Variants in PKHD1 observed in about 807,000 individuals in gnomAD.
The protein encoded by PKHD1 is fibrocystin.
Under a neutral mutation model 412.0 loss-of-function variants are expected in PKHD1, and 291 were observed. That is an observed-to-expected ratio of 0.71 (90% CI 0.64 to 0.78). The LOEUF is 0.78. Among genes scored for constraint, PKHD1 ranks in the 30% least tolerant of loss-of-function variants. The probability of loss-of-function intolerance (pLI) is 0.00; values close to 1 mark genes in which losing one functional copy is unlikely to be tolerated. For missense variants in PKHD1, 4,825 were observed against 4,950.7 expected (o/e 0.97, Z 0.76); for synonymous variants, 1,777 against 1,821.5 (o/e 0.98, Z 0.62).
At chr6:51,898,799 A>C (rs1325898902) in intron 43 of PKHD1, among the ~76,000 whole-genome samples, 1 of 150,316 alleles carries the variant, frequency 6.7e-6, no homozygotes, top group African/African-American at 2.5e-5. Context: ...AGAGAGAAGA[A>C]TCAAATAGAC....
intron 60 of PKHD1, among the ~76,000 whole-genome samples, chr6:51,694,797 T>C (rs912646954): frequency 6.6e-6 from 1 of 152,122 alleles, no homozygotes; most frequent in Admixed American, 6.6e-5. Flanking sequence ...ATAAACAGAC[T>C]GTGCTGAGTA....
At chr6:51,628,206 T>C (rs1225514856) in intron 65 of PKHD1, among the ~76,000 whole-genome samples, 1 of 152,054 alleles carries the variant, frequency 6.6e-6, no homozygotes, top group Non-Finnish European at 1.5e-5. Flanking sequence ...AATAGGCAGT[T>C]TTTCAACCCT....
intron 37 of PKHD1, among the ~76,000 whole-genome samples, chr6:51,930,389 T>C (rs1240783807): frequency 6.6e-6 from 1 of 152,174 alleles, no homozygotes; most frequent in Non-Finnish European, 1.5e-5. Flanking sequence ...TGGGTGTATA[T>C]GTGCAGCTGT....
intron 35 of PKHD1, among the ~76,000 whole-genome samples, chr6:52,007,875 G>A (rs1042928729): frequency 9.3e-5 from 14 of 150,296 alleles, no homozygotes; most frequent in African/African-American, 3.0e-4. Flanking sequence ...GCGACAGGAC[G>A]TGTGCCTGAG....
At chr6:52,026,353 G>A (rs1802187956) in intron 31 of PKHD1, among the ~76,000 whole-genome samples, 172 bp from the exon 32 acceptor site, 1 of 152,132 alleles carries the variant, frequency 6.6e-6, no homozygotes, top group Non-Finnish European at 1.5e-5. Context: ...ATTTAGACAG[G>A]AGTCAGATGT....
intron 60 of PKHD1, among the ~76,000 whole-genome samples, chr6:51,711,030 G>A (rs146047909): frequency 5.5e-4 from 84 of 152,288 alleles, no homozygotes; most frequent in African/African-American, 8.4e-4. Flanking sequence ...CCATGCAGGA[G>A]GAAGCTAACA....
chr6:52,023,026 C>T, intron 32 of PKHD1, 82 bp from the exon 33 acceptor site: 2 of 1,486,434 alleles, frequency 1.3e-6, no homozygotes, highest in South Asian at 2.3e-5. Flanking sequence ...ACATTTGCTT[C>T]CTCACTACCC....
intron 6 of PKHD1, among the ~76,000 whole-genome samples, chr6:52,075,301 T>A (rs1209192762): frequency 6.6e-6 from 1 of 152,228 alleles, no homozygotes; most frequent in East Asian, 1.9e-4. Flanking sequence ...ATAACTTAGA[T>A]CTTCATTTTG....
chr6:51,771,385 G>A (rs189871991), intron 55 of PKHD1, among the ~76,000 whole-genome samples: 6 of 152,190 alleles, frequency 3.9e-5, no homozygotes, highest in South Asian at 4.2e-4. Context: ...CCTTTGGGAG[G>A]CCAAGACGGG....
In PKHD1 at chr6:51,942,056, C is replaced by T. The variant is rs910930736; in HGVS notation, c.5909-7734G>A. The stretch of plus-strand genomic sequence containing the variant: ...CTTCCTAGGCATGGTTGGATACTTT[C>T]GACTTTAGACACCTAGTTTTGCCAT... On this transcript the variant is annotated intron_variant, in intron 36 of 66. Transcript: ENST00000371117. Among the ~76,000 whole-genome samples, 10 of 151,616 alleles carry T rather than the reference C, an allele frequency of 6.6e-5. 1 individual carries two copies. The highest frequency in any genetic ancestry group is 4.1e-4 in the South Asian group (2 of 4,822).
chr6:51,878,895 T>G (rs1346713980), intron 46 of PKHD1, among the ~76,000 whole-genome samples: 3 of 66,442 alleles, frequency 4.5e-5, no homozygotes, highest in African/African-American at 2.4e-4. Flanking sequence ...CTCCTTAAGC[T>G]GATAAGCAAC....
At chr6:51,814,718 T>C (rs1765182340) in intron 52 of PKHD1, among the ~76,000 whole-genome samples, 1 of 151,860 alleles carries the variant, frequency 6.6e-6, no homozygotes, top group African/African-American at 2.4e-5. Flanking sequence ...AGGTGGAAGG[T>C]GTGGGAGGAG....
chr6:51,873,872 A>C (rs1298521837), intron 46 of PKHD1, among the ~76,000 whole-genome samples: 6 of 152,220 alleles, frequency 3.9e-5, no homozygotes, highest in Admixed American at 3.9e-4. Flanking sequence ...GAAGAAAAAA[A>C]CAGAAACCAA....
intron 37 of PKHD1, among the ~76,000 whole-genome samples, chr6:51,921,270 A>G (rs1784656141): frequency 6.6e-6 from 1 of 152,176 alleles, no homozygotes. Flanking sequence ...AGTGCGATAA[A>G]TTATAATTTA....
chr6:52,060,171 C>T (rs565762331), intron 14 of PKHD1, 129 bp from the exon 15 acceptor site: 4 of 686,446 alleles, frequency 5.8e-6, no homozygotes, highest in African/African-American at 5.3e-5. Context: ...TTATGCCACA[C>T]AATTGTCCAG....
intron 53 of PKHD1, among the ~76,000 whole-genome samples, chr6:51,784,023 T>C (rs1792465697): frequency 6.6e-6 from 1 of 152,200 alleles, no homozygotes; most frequent in Non-Finnish European, 1.5e-5. Flanking sequence ...ATATACATTG[T>C]CAGTCATAAC....
chr6:51,721,567 T>C, intron 60 of PKHD1: 1 of 1,000,110 alleles, frequency 1.0e-6, no homozygotes. Context: ...ACACCACCAA[T>C]TTAATATCTG....
At chr6:51,662,296 A>G (rs1772987927) in intron 60 of PKHD1, among the ~76,000 whole-genome samples, 1 of 151,852 alleles carries the variant, frequency 6.6e-6, no homozygotes, top group African/African-American at 2.4e-5. Flanking sequence ...GTATGATATA[A>G]TTAAAATTTG....
intron 34 of PKHD1, among the ~76,000 whole-genome samples, 173 bp downstream of exon 34, chr6:52,017,237 G>A (rs1368451994): frequency 6.6e-6 from 1 of 152,198 alleles, no homozygotes; most frequent in Non-Finnish European, 1.5e-5. Context: ...GACAGGAGAT[G>A]CTTTGATATG....
Sources: allele counts gnomAD v4.1 joint callset (sites outside exome capture counted in the v4.1 genomes callset), GRCh38; gene constraint gnomAD v4.1.1; transcripts MANE v1.5; gene names NCBI Gene and HGNC (gene_info 2026-07-23, HGNC 2026-07-21).